AJAP1: variants seen among roughly 807,000 people sequenced by gnomAD.
AJAP1 encodes adherens junction-associated protein 1.
AJAP1 carries 5 observed loss-of-function variants against 35.0 expected under a neutral mutation model. The ratio of observed to expected loss-of-function variants is 0.14; its 90% CI spans 0.07 to 0.30. The LOEUF (loss-of-function observed/expected upper bound fraction) is 0.30. Ranked by LOEUF, AJAP1 falls within the 10% of genes least tolerant of loss-of-function variation. The pLI, the probability that AJAP1 is intolerant of heterozygous loss-of-function variation, is 1.00. For missense variants in AJAP1, 586 were observed against 571.0 expected, an observed-to-expected ratio of 1.03 and a Z score of -0.27; for synonymous variants, 284 against 249.3, an observed-to-expected ratio of 1.14 and a Z score of -1.31.
intron 2 of AJAP1, among the ~76,000 whole-genome samples, chr1:4,763,649 A>G (rs111972941): frequency 0.034 from 5,216 of 152,186 alleles, 133 homozygotes; most frequent in Middle Eastern, 0.054. Context: ...GCAGTATCCA[A>G]TCTGTTGAGG....
At chr1:4,738,602 GC>G (rs1455330050) in intron 2 of AJAP1, among the ~76,000 whole-genome samples, 2 of 152,126 alleles carry the variant, frequency 1.3e-5, no homozygotes, top group Admixed American at 1.3e-4. Flanking sequence ...GCCAGGGCAG[GC>G]CCCCCAGGCC....
intron 1 of AJAP1, among the ~76,000 whole-genome samples, chr1:4,682,421 C>A (rs1639503970): frequency 6.6e-6 from 1 of 152,232 alleles, no homozygotes; most frequent in Non-Finnish European, 1.5e-5. Flanking sequence ...GCCCAGAATG[C>A]CTTTTCTCTG....
chr1:4,716,815 TAATTTGCTGCCACTA>T, intron 2 of AJAP1, among the ~76,000 whole-genome samples: 1 of 152,344 alleles, frequency 6.6e-6, no homozygotes, highest in Non-Finnish European at 1.5e-5. Context: ...ACCATTGTGC[TAATTTGCTGCCACTA>T]CCTTTACTGC....
chr1:4,729,730 A>G (rs982515579), intron 2 of AJAP1, among the ~76,000 whole-genome samples: 9 of 152,160 alleles, frequency 5.9e-5, no homozygotes, highest in African/African-American at 1.9e-4. Flanking sequence ...TCAGGGCTCT[A>G]TCTCCAAATA....
intron 1 of AJAP1, among the ~76,000 whole-genome samples, chr1:4,659,282 A>C (rs1259092977): frequency 6.6e-6 from 1 of 152,196 alleles, no homozygotes; most frequent in African/African-American, 2.4e-5. Flanking sequence ...TGGAAAGCCA[A>C]ATATATCCTT....
chr1:4,656,850 G>A lies in AJAP1; in HGVS notation c.29+1396G>A, dbSNP rs1000785552. 2.6e-5 allele frequency among the ~76,000 whole-genome samples: 4 copies of A among 152,186 alleles called. No homozygotes were observed. Among genetic ancestry groups the A allele is most frequent in the South Asian group, 4.1e-4 (2 of 4,832 alleles). The stretch of plus-strand genomic sequence containing the variant: ...GATAAGTGTGCTTGGGCTAGATAAG[G>A]TTTAGGCTTGGACCGTTGTGGGATG... On this transcript the variant is annotated intron_variant, in intron 1 of 5. Transcript: ENST00000378191. The surrounding 1 kb of genome is among the most constrained non-coding windows in gnomAD (Gnocchi z 5.7).
intron 2 of AJAP1, among the ~76,000 whole-genome samples, chr1:4,747,256 C>T (rs747847568): frequency 6.6e-6 from 1 of 152,086 alleles, no homozygotes; most frequent in Non-Finnish European, 1.5e-5. Context: ...GCACTCTGGC[C>T]CTCTCCACTT....
intron 1 of AJAP1, among the ~76,000 whole-genome samples, chr1:4,681,866 A>C (rs114276835): frequency 0.011 from 1,620 of 152,258 alleles, 26 homozygotes; most frequent in African/African-American, 0.037. Context: ...CCCACCTGCA[A>C]AATGAAGGGG....
chr1:4,737,622 A>G (rs1640960245), intron 2 of AJAP1, among the ~76,000 whole-genome samples: 2 of 152,196 alleles, frequency 1.3e-5, no homozygotes, highest in Admixed American at 1.3e-4. Context: ...GGCCAAGTGC[A>G]GTGGTTCACA....
rs115309442 is a variant in AJAP1, at chr1:4,764,872, C to T, written c.830-4981C>T. 4.0e-3 allele frequency among the ~76,000 whole-genome samples: 613 copies of T among 152,254 alleles called. 4 individuals are homozygous for T. Among genetic ancestry groups the T allele is most frequent in the African/African-American group, 0.014 (591 of 41,530 alleles). ...GGACAATGGCCCGTATTTGATTCAG[C>T]TTCATTTAATAAGACCTTGTTCAGA... On this transcript the variant is annotated intron_variant, in intron 2 of 5. Coordinates refer to ENST00000378191, the MANE Select transcript of AJAP1 (RefSeq NM_018836.4).
chr1:4,741,717 G>A (rs201036632), intron 2 of AJAP1, among the ~76,000 whole-genome samples: 1 of 152,214 alleles, frequency 6.6e-6, no homozygotes, highest in East Asian at 1.9e-4. Flanking sequence ...GGCATACCCA[G>A]CACCCAGGCC....
At chr1:4,740,583 A>G (rs1641041409) in intron 2 of AJAP1, among the ~76,000 whole-genome samples, 3 of 151,874 alleles carry the variant, frequency 2.0e-5, no homozygotes. Context: ...CAGGAGATCG[A>G]GACCATCCTG....
intron 5 of AJAP1, among the ~76,000 whole-genome samples, chr1:4,776,941 G>A (rs918640926): frequency 3.3e-5 from 5 of 152,234 alleles, no homozygotes; most frequent in Non-Finnish European, 5.9e-5. Context: ...CTGCCGACAC[G>A]AAGCCACGGC....
intron 2 of AJAP1, among the ~76,000 whole-genome samples, chr1:4,765,085 C>G (rs1641650615): frequency 6.6e-6 from 1 of 152,180 alleles, no homozygotes; most frequent in Admixed American, 6.5e-5. Flanking sequence ...CATTAGTATA[C>G]AGTGGCGATT....
chr1:4,774,664 G>A (rs750851049), intron 5 of AJAP1, 106 bp downstream of exon 5: 78 of 648,378 alleles, frequency 1.2e-4, no homozygotes, highest in Non-Finnish European at 1.5e-4. Context: ...TAGACATGGC[G>A]GGTGGATTTC....
chr1:4,780,179 G>A lies in AJAP1; in HGVS notation c.*60-2366G>A, dbSNP rs115301337. 5.5e-3 allele frequency among the ~76,000 whole-genome samples: 830 copies of A among 150,082 alleles called. 3 individuals are homozygous for A. The highest frequency in any genetic ancestry group is 0.019 in the African/African-American group (769 of 40,662). ...AAAATTACCATGTAACCATTTATGC[G>A]TGTCTAGTTCAATGGCATGAGTGCC... On this transcript the variant is annotated intron_variant, in intron 5 of 5. Transcript: ENST00000378191.
intron 1 of AJAP1, among the ~76,000 whole-genome samples, chr1:4,674,858 A>G (rs997073886): frequency 1.3e-5 from 2 of 152,146 alleles, no homozygotes; most frequent in African/African-American, 4.8e-5. Flanking sequence ...GCACGCGCCT[A>G]TTTCTGTCTT....
chr1:4,712,093 C>G lies in AJAP1; in HGVS notation c.223C>G (p.Pro75Ala). The change falls in exon 2 of 6, where the codon CCG (proline) becomes GCG (alanine). Residue 75 changes from proline to alanine, a missense_variant. Coordinates refer to ENST00000378191, the MANE Select transcript of AJAP1 (RefSeq NM_018836.4). ...TAGGAGTGGACAGCCAGCGCGGGTCCCGGCCCCGGTGTGGAGCCCCCGGCC... is the reference window on the plus strand; with the variant it reads ...TAGGAGTGGACAGCCAGCGCGGGTCGCGGCCCCGGTGTGGAGCCCCCGGCC... ...SFRSGQPARV[P>A]APVWSPRPPR... 1 of 1,557,342 alleles carries G rather than the reference C, an allele frequency of 6.4e-7. No individual in the cohort carries two copies.
At chr1:4,694,576 T>C (rs772819628) in intron 1 of AJAP1, among the ~76,000 whole-genome samples, 1 of 152,206 alleles carries the variant, frequency 6.6e-6, no homozygotes, top group Non-Finnish European at 1.5e-5. Context: ...CATTACAAAC[T>C]GTAAACTCTC....
Sources: gnomAD v4.1 joint callset for allele counts (sites outside exome capture counted in the v4.1 genomes callset) on GRCh38, gnomAD v4.1.1 for gene constraint, Gnocchi (gnomAD v3.1) non-coding constraint, MANE v1.5 for transcripts, NCBI Gene and HGNC (gene_info 2026-07-23, HGNC 2026-07-21) for gene names.